The following PRKCA variants were observed in gnomAD, a reference collection of about 807,000 sequenced individuals.
The protein encoded by PRKCA is protein kinase C alpha type.
In PRKCA, 27 loss-of-function variants were observed where a neutral mutation model predicts 87.0. That is an observed-to-expected ratio of 0.31 (90% CI 0.23 to 0.43). The LOEUF (loss-of-function observed/expected upper bound fraction) is 0.43. Among genes scored for constraint, PRKCA ranks in the 20% least tolerant of loss-of-function variants. The pLI, the probability that PRKCA is intolerant of heterozygous loss-of-function variation, is 1.00. For missense variants in PRKCA, 518 were observed against 852.3 expected (o/e 0.61, Z 4.88); for synonymous variants, 329 against 311.1 (o/e 1.06, Z -0.61).
intron 2 of PRKCA, among the ~76,000 whole-genome samples, chr17:66,435,281 C>T (rs764328790): frequency 6.6e-6 from 1 of 152,190 alleles, no homozygotes; most frequent in Non-Finnish European, 1.5e-5. Flanking sequence ...TATCACAGTA[C>T]CTTGCTAGAC....
rs1231874836 is a variant in PRKCA, at chr17:66,590,495, A to G, written c.289-50860A>G. The stretch of plus-strand genomic sequence containing the variant: ...AAATGTTATATACACAGTACTCCCA[A>G]TGCCGTCCTCAGAGCGTGCACGAGG... On this transcript the variant is annotated intron_variant, in intron 3 of 16. Coordinates refer to ENST00000413366, the MANE Select transcript of PRKCA (RefSeq NM_002737.3). 2.6e-5 allele frequency among the ~76,000 whole-genome samples: 4 copies of G among 152,162 alleles called. No individual in the cohort carries two copies. The South Asian group carries it at 6.2e-4, about 24-fold the overall frequency.
chr17:66,765,420 A>ATC (rs1229163447), intron 13 of PRKCA, among the ~76,000 whole-genome samples: 5,552 of 107,630 alleles, frequency 0.052, 268 homozygotes, highest in African/African-American at 0.083. Flanking sequence ...GACTTTGTCT[A>ATC]TATATATATA....
At chr17:66,661,076 C>T (rs936915904) in intron 5 of PRKCA, among the ~76,000 whole-genome samples, 5 of 152,184 alleles carry the variant, frequency 3.3e-5, no homozygotes, top group African/African-American at 1.2e-4. Context: ...CTCACCTCTT[C>T]TTTCTCCATA....
chr17:66,389,462 A>G (rs991694202), intron 2 of PRKCA, among the ~76,000 whole-genome samples: 3 of 152,156 alleles, frequency 2.0e-5, no homozygotes, highest in Admixed American at 6.5e-5. Context: ...GCATAAGGAC[A>G]CCTTTGCAGG....
intron 2 of PRKCA, among the ~76,000 whole-genome samples, chr17:66,433,859 C>G (rs1258349612): frequency 6.6e-6 from 1 of 152,170 alleles, no homozygotes; most frequent in East Asian, 1.9e-4. Context: ...TGAGGAGTTT[C>G]TGAAACATCT....
chr17:66,343,199 A>G (rs1197375292), intron 2 of PRKCA, among the ~76,000 whole-genome samples: 1 of 152,038 alleles, frequency 6.6e-6, no homozygotes, highest in Non-Finnish European at 1.5e-5. Context: ...TTTTATGCAT[A>G]TAAGTTTAAG....
At chr17:66,608,913 A>G (rs143375739) in intron 3 of PRKCA, among the ~76,000 whole-genome samples, 3 of 152,364 alleles carry the variant, frequency 2.0e-5, no homozygotes, top group African/African-American at 7.2e-5. Flanking sequence ...ACAGCTTCCC[A>G]GGTGATCCTG....
intron 3 of PRKCA, among the ~76,000 whole-genome samples, chr17:66,573,416 C>T (rs892924548): frequency 1.3e-5 from 2 of 152,146 alleles, no homozygotes; most frequent in Non-Finnish European, 2.9e-5. Context: ...AGTTCGTTTT[C>T]TGCTGAAATC....
chr17:66,514,466 C>T (rs931186410), intron 3 of PRKCA, among the ~76,000 whole-genome samples: 3 of 152,222 alleles, frequency 2.0e-5, no homozygotes, highest in Middle Eastern at 3.4e-3. Flanking sequence ...GGGATTCAAA[C>T]GTGAGTAATA....
intron 13 of PRKCA, 29 bp from the exon 14 acceptor site, chr17:66,773,958 A>C (rs1370914896): frequency 6.2e-7 from 1 of 1,613,542 alleles, no homozygotes; most frequent in African/African-American, 1.3e-5. Context: ...CTTACCACTA[A>C]TGTAATTGAT....
intron 3 of PRKCA, among the ~76,000 whole-genome samples, chr17:66,574,722 CAA>C (rs56913809): frequency 1.5e-4 from 20 of 131,106 alleles, no homozygotes; most frequent in Middle Eastern, 3.7e-3. Flanking sequence ...ATTCCAAAAT[CAA>C]AAAAAAAAAA....
At chr17:66,515,802 T>C (rs1473934) in intron 3 of PRKCA, among the ~76,000 whole-genome samples, 97,920 of 152,082 alleles carry the variant, frequency 0.64, 32,404 homozygotes, top group African/African-American at 0.8. Context: ...ACCTCGGCTT[T>C]GCAGAGTGTT....
At chr17:66,786,836 A>G (rs1975408170) in intron 14 of PRKCA, 31 bp from the exon 15 acceptor site, 1 of 1,575,604 alleles carries the variant, frequency 6.3e-7, no homozygotes, top group African/African-American at 1.4e-5. Context: ...CTGCCTAAAT[A>G]CTTTCCCATC....
chr17:66,659,014 T>C (rs1008616500), intron 5 of PRKCA, among the ~76,000 whole-genome samples: 3 of 152,242 alleles, frequency 2.0e-5, no homozygotes, highest in African/African-American at 7.2e-5. Context: ...CTTAAAGATT[T>C]TAACTGGCTG....
chr17:66,375,701 A>G (rs1359033631), intron 2 of PRKCA, among the ~76,000 whole-genome samples: 4 of 152,092 alleles, frequency 2.6e-5, no homozygotes, highest in Non-Finnish European at 4.4e-5. Context: ...CTTGTTTTAC[A>G]CTTCAGGTCA....
chr17:66,666,189 G>C (rs1598857236), intron 5 of PRKCA, among the ~76,000 whole-genome samples: 1 of 152,140 alleles, frequency 6.6e-6, no homozygotes, highest in African/African-American at 2.4e-5. Flanking sequence ...ATCCGCTTTG[G>C]GAGTGCCTTC....
chr17:66,473,453 C>A (rs1464237252), intron 2 of PRKCA, among the ~76,000 whole-genome samples: 8 of 152,206 alleles, frequency 5.3e-5, no homozygotes, highest in African/African-American at 1.9e-4. Context: ...TCCCTTGTAA[C>A]AGCCTCCCTT....
chr17:66,654,323 G>C (rs555919323), intron 5 of PRKCA, among the ~76,000 whole-genome samples: 2 of 152,290 alleles, frequency 1.3e-5, no homozygotes, highest in Non-Finnish European at 2.9e-5. Context: ...AAGAGAAACC[G>C]ACACTGATTG....
At chr17:66,531,479 A>G (rs1047991570) in intron 3 of PRKCA, among the ~76,000 whole-genome samples, 2 of 152,158 alleles carry the variant, frequency 1.3e-5, no homozygotes, top group African/African-American at 4.8e-5. Flanking sequence ...CTGGGCTGAG[A>G]GGCCCTGCCT....
Sources: allele counts gnomAD v4.1 joint callset (sites outside exome capture counted in the v4.1 genomes callset), GRCh38; gene constraint gnomAD v4.1.1; transcripts MANE v1.5; gene names NCBI Gene and HGNC (gene_info 2026-07-23, HGNC 2026-07-21).